The following ARRDC1 variants were observed in gnomAD, a reference collection of about 807,000 sequenced individuals.
ARRDC1 encodes the protein arrestin domain-containing protein 1.
Under a neutral mutation model 40.1 loss-of-function variants are expected in ARRDC1, and 37 were observed. That is an observed-to-expected ratio of 0.92 (90% CI 0.71 to 1.21). ARRDC1 has a LOEUF of 1.21. Ranked by LOEUF, ARRDC1 falls within the 50% of genes most tolerant of loss-of-function variation. The probability of loss-of-function intolerance (pLI) is 0.00; values close to 1 mark genes in which losing one functional copy is unlikely to be tolerated. For synonymous variants in ARRDC1, 310 were observed against 262.5 expected (o/e 1.18, Z -1.75); for missense variants, 641 against 581.9 (o/e 1.10, Z -1.04).
intron 1 of ARRDC1, 63 bp downstream of exon 1, chr9:137,605,898 G>A (rs1238485597): frequency 8.5e-6 from 9 of 1,058,062 alleles, no homozygotes; most frequent in Non-Finnish European, 1.1e-5. Context: ...GCTCCCGGAA[G>A]CGGCTGCCGT....
At chr9:137,606,536 C>T (rs1842426605) in intron 1 of ARRDC1, among the ~76,000 whole-genome samples, 1 of 152,260 alleles carries the variant, frequency 6.6e-6, no homozygotes, top group South Asian at 2.1e-4. Context: ...CCGCTGGGCC[C>T]GCGCGTGGGT....
rs1481774654 is a variant in ARRDC1, at chr9:137,614,492, G to T, written c.795+17G>T. The T allele has an allele frequency of 1.2e-6, 2 of 1,613,210 alleles. No homozygotes were observed. The highest frequency in any genetic ancestry group is 1.7e-6 in the Non-Finnish European group (2 of 1,179,962). On this transcript the variant is annotated intron_variant, in intron 6 of 7. Transcript: ENST00000371421. The stretch of plus-strand genomic sequence containing the variant: ...TACTTACAGGTTTGGTGCTGCTGGG[G>T]GCTGGGTGGTCTGAGGCCTAGTGGC...
At chr9:137,607,375 A>G (rs1438410981) in intron 1 of ARRDC1, among the ~76,000 whole-genome samples, 3 of 152,154 alleles carry the variant, frequency 2.0e-5, no homozygotes, top group Non-Finnish European at 4.4e-5. Flanking sequence ...TGGGCCCCAG[A>G]GCTTGCTCAC....
intron 2 of ARRDC1, 173 bp downstream of exon 2, chr9:137,613,179 AG>A: frequency 1.3e-6 from 1 of 748,800 alleles, no homozygotes; most frequent in East Asian, 2.7e-5. Context: ...GGGTGGCTGA[AG>A]GGGCCACCTC....
chr9:137,611,187 G>A (rs1228030048), intron 1 of ARRDC1, among the ~76,000 whole-genome samples: 3 of 152,172 alleles, frequency 2.0e-5, no homozygotes, highest in East Asian at 1.9e-4. Flanking sequence ...CTGGTGTTCC[G>A]GATTTTCAGC....
Position 137,612,978 on chromosome 9 carries a change from C to T in ARRDC1, c.201C>T (p.Phe67=), listed in dbSNP as rs1842562906. 2 of 1,613,998 alleles carry T rather than the reference C, an allele frequency of 1.2e-6. No individual in the cohort carries two copies. Among genetic ancestry groups the T allele is most frequent in the African/African-American group, 1.3e-5 (1 of 74,952 alleles). ...DTAWVVEEGY[F]NSSLSLADKG... is the part of the protein sequence containing the mutation. ...CGTGGGTAGTGGAGGAGGGTTACTTCAACAGTTCCCTGTCGCTGGCAGACA... is the reference window on the plus strand; with the variant it reads ...CGTGGGTAGTGGAGGAGGGTTACTTTAACAGTTCCCTGTCGCTGGCAGACA... Residue 67 remains phenylalanine, a synonymous_variant, in exon 2 of 8, where the codon TTC becomes TTT. Transcript: ENST00000371421.
Position 137,614,768 on chromosome 9 carries a change from C to T in ARRDC1, c.1005C>T (p.Ser335=). ...GPHFLDPVFL[S]TKSHSQRQPL... is the part of the protein sequence containing the mutation. ...ACTTCTTGGACCCCGTCTTCCTCTC[C>T]ACCAAGAGCCATTCGCAGCGGCAGC... is the stretch of plus-strand genomic sequence containing the variant. Residue 335 remains serine, a synonymous_variant, in exon 7 of 8, where the codon TCC becomes TCT. Transcript: ENST00000371421. The T allele has an allele frequency of 6.2e-7, 1 of 1,610,912 alleles. No homozygotes were observed. The highest frequency in any genetic ancestry group is 8.5e-7 in the Non-Finnish European group (1 of 1,178,538).
rs544322483 is a variant in ARRDC1 at position 137,614,594 on chromosome 9, C to T, written c.831C>T (p.Leu277=). Reference sequence around the variant, plus strand: ...AGGCGCCGGAAGCTACTGTGACCCTCCCGGTCTTCATTGGCAATATTGCTG... The same window carrying T: ...AGGCGCCGGAAGCTACTGTGACCCTTCCGGTCTTCATTGGCAATATTGCTG... ...SLKAPEATVT[L]PVFIGNIAVN... The change falls in exon 7 of 8, where the codon CTC becomes CTT. Residue 277 remains leucine, a synonymous_variant. Coordinates refer to ENST00000371421, the MANE Select transcript of ARRDC1 (RefSeq NM_152285.4). The T allele has an allele frequency of 8.1e-6, 13 of 1,612,962 alleles. No homozygotes were observed. The highest frequency in any genetic ancestry group is 1.1e-5 in the Non-Finnish European group (13 of 1,179,916).
In ARRDC1 at chr9:137,614,857, C is replaced by G. The variant is rs769444676; in HGVS notation, c.1094C>G (p.Pro365Arg). The change falls in exon 7 of 8, where the codon CCT (proline) becomes CGT (arginine). Residue 365 changes from proline (P) to arginine (R), a missense_variant. Physicochemically the swap from Pro to Arg is moderately radical, Grantham distance 103. Transcript: ENST00000371421. ...GAGCCCTGCCCTCAGGATGGCAGCC[C>G]TGCCTCACACCCGCTGCACCCTCCC... ...APEPCPQDGSPASHPLHPPLC... is the reference protein window; with the variant it reads ...APEPCPQDGSRASHPLHPPLC... The G allele has an allele frequency of 1.2e-5, 19 of 1,613,598 alleles. No homozygotes were observed. Among genetic ancestry groups the G allele is most frequent in the Non-Finnish European group, 1.6e-5 (19 of 1,179,996 alleles).
chr9:137,614,824 G>A lies in ARRDC1; in HGVS notation c.1061G>A (p.Gly354Asp), dbSNP rs1564504703. ...CTGGCCACCTTGAGTTCTGTGCCTG[G>A]TGCGCCGGAGCCCTGCCCTCAGGAT... ...PLLATLSSVP[G>D]APEPCPQDGS... Residue 354 changes from glycine (G) to aspartate (D), a missense_variant, in exon 7 of 8, where the codon GGT (glycine) becomes GAT (aspartate). Coordinates refer to ENST00000371421, the MANE Select transcript of ARRDC1 (RefSeq NM_152285.4). 1 of 1,613,208 alleles carries A rather than the reference G, an allele frequency of 6.2e-7. No homozygotes were observed.
chr9:137,614,427 G>T lies in ARRDC1; in HGVS notation c.747G>T (p.Gln249His), dbSNP rs1318234285. The T allele has an allele frequency of 6.2e-7, 1 of 1,613,286 alleles. No homozygotes were observed. ...AGATCCTGGTGCCTGCCTTGCCCCA[G>T]TCGGCCCTGCCGGGCTGCAGCCTCA... ...HEQILVPALP[Q>H]SALPGCSLIH... Residue 249 changes from glutamine (Q) to histidine (H), a missense_variant, in exon 6 of 8, where the codon CAG (glutamine) becomes CAT (histidine). By Grantham distance (24) the Gln-to-His change is conservative. Coordinates refer to ENST00000371421, the MANE Select transcript of ARRDC1 (RefSeq NM_152285.4).
chr9:137,606,630 G>A (rs1842428023), intron 1 of ARRDC1, among the ~76,000 whole-genome samples: 1 of 152,244 alleles, frequency 6.6e-6, no homozygotes, highest in Non-Finnish European at 1.5e-5. Context: ...TGGTGCTGTG[G>A]CCCTGACCCT....
rs778317137 is a variant in ARRDC1 at position 137,614,150 on chromosome 9, T to C, written c.554T>C (p.Leu185Pro). ...TATGTGGTGGGGCAGGCACTGCAGC[T>C]GCATGCCGACGTTGAGAACCAGTCA... ...RGYVVGQALQ[L>P]HADVENQSGK... is the part of the protein sequence containing the mutation. The change falls in exon 5 of 8, where the codon CTG becomes CCG. Residue 185 changes from leucine (L) to proline (P), a missense_variant. Coordinates refer to ENST00000371421, the MANE Select transcript of ARRDC1 (RefSeq NM_152285.4). 7.4e-6 allele frequency: 12 copies of C among 1,612,884 alleles called. No homozygotes were observed. In the South Asian group the frequency reaches 1.1e-4, roughly 15 times the overall value.
chr9:137,613,305 A>G (rs1300501092), intron 2 of ARRDC1, 155 bp from the exon 3 acceptor site: 4 of 882,330 alleles, frequency 4.5e-6, no homozygotes, highest in African/African-American at 3.3e-5. Context: ...TCCTTCACCC[A>G]AGCCACAGCC....
chr9:137,613,122 C>G (rs2133341329), intron 2 of ARRDC1, 116 bp downstream of exon 2: 1 of 887,446 alleles, frequency 1.1e-6, no homozygotes, highest in Non-Finnish European at 1.8e-6. Context: ...GGCACTGGCC[C>G]ATCTTGTCCC....
Position 137,613,074 on chromosome 9 carries a change from C to T in ARRDC1, c.229+68C>T, listed in dbSNP as rs374690231. ...AGCCCTTGGAGTGGGGCCTGTCTGTCCTGTCCTCCCCCTTTCCTAGATCTG... is the reference window on the plus strand; with the variant it reads ...AGCCCTTGGAGTGGGGCCTGTCTGTTCTGTCCTCCCCCTTTCCTAGATCTG... On this transcript the variant is annotated intron_variant, in intron 2 of 7. Coordinates refer to ENST00000371421, the MANE Select transcript of ARRDC1 (RefSeq NM_152285.4). 6.9e-6 allele frequency: 8 copies of T among 1,159,004 alleles called. No individual in the cohort carries two copies. The East Asian group carries it at 9.9e-5, about 14-fold the overall frequency. The allele number at this position is 1,159,004 out of a possible 1,614,324, so 71.8% of individuals were successfully genotyped here.
chr9:137,611,286 T>C (rs771285810), intron 1 of ARRDC1, among the ~76,000 whole-genome samples: 12 of 152,162 alleles, frequency 7.9e-5, no homozygotes, highest in Non-Finnish European at 1.6e-4. Context: ...CCGTGGCTCA[T>C]GCCTGTAATC....
chr9:137,614,490 G>C lies in ARRDC1; in HGVS notation c.795+15G>C, dbSNP rs748325415. On this transcript the variant is annotated intron_variant, in intron 6 of 7. Coordinates refer to ENST00000371421, the MANE Select transcript of ARRDC1 (RefSeq NM_152285.4). ...ACTACTTACAGGTTTGGTGCTGCTG[G>C]GGGCTGGGTGGTCTGAGGCCTAGTG... 1 of 1,613,194 alleles carries C rather than the reference G, an allele frequency of 6.2e-7. No homozygotes were observed. Among genetic ancestry groups the C allele is most frequent in the South Asian group, 1.1e-5 (1 of 91,086 alleles).
Position 137,613,665 on chromosome 9 carries a change from G to T in ARRDC1, c.331G>T (p.Val111Leu). The T allele has an allele frequency of 6.2e-7, 1 of 1,614,242 alleles. No homozygotes were observed. Among genetic ancestry groups the T allele is most frequent in the Non-Finnish European group, 8.5e-7 (1 of 1,180,044 alleles). Residue 111 changes from valine (V) to leucine (L), a missense_variant, in exon 4 of 8, where the codon GTG (valine) becomes TTG (leucine). Transcript: ENST00000371421. ...TCCTTTCGGGAAGATCGTGCACCAG[G>T]TGAGGGCCGCCATCCACACGCCACG... ...EGPFGKIVHQ[V>L]RAAIHTPRFS...
Sources: gnomAD v4.1 joint callset for allele counts (sites outside exome capture counted in the v4.1 genomes callset) on GRCh38, gnomAD v4.1.1 for gene constraint, MANE v1.5 for transcripts, NCBI Gene and HGNC (gene_info 2026-07-23, HGNC 2026-07-21) for gene names.